Variants in PCDH11Y observed in about 807,000 individuals in gnomAD.
PCDH11Y encodes the protein protocadherin 11 Y-linked, also known as protocadherin-11 Y-linked.
For synonymous variants in PCDH11Y, 9 were observed against 83.6 expected (o/e 0.11, Z 4.87); for missense variants, 12 against 224.8 (o/e 0.05, Z 6.05).
chrY:5,195,449 A>G (rs2052917832), intron 2 of PCDH11Y, among the ~76,000 whole-genome samples: 1 of 33,562 alleles, frequency 3.0e-5, no homozygotes, highest in Non-Finnish European at 7.4e-5. Flanking sequence ...TCAATGAGCT[A>G]TAAAGACAAA....
At chrY:5,727,126 A>C in intron 4 of PCDH11Y, among the ~76,000 whole-genome samples, 1 of 33,117 alleles carries the variant, frequency 3.0e-5, no homozygotes, top group Non-Finnish European at 7.5e-5. Flanking sequence ...TGGACTCTAT[A>C]ACAAATTGAA....
At chrY:5,641,892 C>T in intron 4 of PCDH11Y, among the ~76,000 whole-genome samples, 1 of 33,884 alleles carries the variant, frequency 3.0e-5, no homozygotes, top group Admixed American at 2.7e-4. Flanking sequence ...TTACAACATG[C>T]TGCGCTGAGC....
chrY:5,078,151 G>A, intron 1 of PCDH11Y, among the ~76,000 whole-genome samples: 1 of 31,718 alleles, frequency 3.2e-5, no homozygotes, highest in Admixed American at 2.9e-4. Flanking sequence ...AGTTTGCGGA[G>A]GATAATGGCT....
At chrY:5,056,395 C>A in exon 1 of PCDH11Y, 2 of 233,391 alleles carry the variant, frequency 8.6e-6, no homozygotes, top group Non-Finnish European at 1.0e-5. Flanking sequence ...TTATCCAGAT[C>A]AATTTTTTTT....
chrY:5,358,100 C>A, intron 2 of PCDH11Y, among the ~76,000 whole-genome samples: 1 of 33,279 alleles, frequency 3.0e-5, no homozygotes, highest in African/African-American at 1.2e-4. Context: ...CCACGCCAGG[C>A]TAATTTTGTA....
chrY:5,140,075 A>C, intron 2 of PCDH11Y, among the ~76,000 whole-genome samples: 4 of 12,772 alleles, frequency 3.1e-4, no homozygotes, highest in African/African-American at 1.4e-3. Flanking sequence ...AGAACAGAAC[A>C]TGTATCAGGT....
chrY:5,038,473 A>G (rs2052602511), intron 3 of PCDH11Y, among the ~76,000 whole-genome samples: 1 of 29,793 alleles, frequency 3.4e-5, no homozygotes, highest in East Asian at 8.9e-4. Flanking sequence ...ACTCCTATCG[A>G]CCCTACCCAA....
chrY:5,253,850 C>T, intron 2 of PCDH11Y, among the ~76,000 whole-genome samples: 1 of 32,934 alleles, frequency 3.0e-5, no homozygotes. Context: ...CACCACCTCC[C>T]GTGGGTAATG....
At chrY:5,298,299 T>C in intron 2 of PCDH11Y, among the ~76,000 whole-genome samples, 1 of 33,002 alleles carries the variant, frequency 3.0e-5, no homozygotes, top group Non-Finnish European at 7.5e-5. Flanking sequence ...TCTTTAGGGG[T>C]AGTAGGAGTC....
At chrY:5,281,964 G>T in intron 2 of PCDH11Y, among the ~76,000 whole-genome samples, 1 of 28,993 alleles carries the variant, frequency 3.4e-5, no homozygotes, top group Admixed American at 3.3e-4. Flanking sequence ...AAGCTAACAT[G>T]CAGTACATCA....
intron 2 of PCDH11Y, among the ~76,000 whole-genome samples, chrY:5,493,912 C>A (rs2053341232): frequency 3.0e-5 from 1 of 33,479 alleles, no homozygotes; most frequent in Non-Finnish European, 7.4e-5. Context: ...AGATATGATT[C>A]TGAAAACAAA....
chrY:5,079,859 T>C, intron 1 of PCDH11Y, among the ~76,000 whole-genome samples: 1 of 33,586 alleles, frequency 3.0e-5, no homozygotes, highest in Non-Finnish European at 7.4e-5. Flanking sequence ...GAAAATGGCT[T>C]TCTCTTTTCA....
intron 2 of PCDH11Y, among the ~76,000 whole-genome samples, chrY:5,445,452 C>A (rs2053286838): frequency 7.0e-5 from 2 of 28,713 alleles, no homozygotes; most frequent in African/African-American, 2.8e-4. Flanking sequence ...TCCTCTTCCT[C>A]TTCTTCTTCT....
chrY:5,719,577 A>C, intron 4 of PCDH11Y, among the ~76,000 whole-genome samples: 1 of 33,492 alleles, frequency 3.0e-5, no homozygotes, highest in Admixed American at 2.7e-4. Context: ...AGAACTGGGA[A>C]TCTCCACCTA....
At chrY:5,046,408 C>G in intron 3 of PCDH11Y, among the ~76,000 whole-genome samples, 2 of 33,387 alleles carry the variant, frequency 6.0e-5, no homozygotes, top group African/African-American at 2.3e-4. Context: ...GGGGGTGCCT[C>G]CCAGTTAGGC....
At chrY:5,494,770 C>T (rs1602933778) in intron 2 of PCDH11Y, among the ~76,000 whole-genome samples, 2 of 33,271 alleles carry the variant, frequency 6.0e-5, no homozygotes, top group East Asian at 1.6e-3. Flanking sequence ...GCAGTGAGGC[C>T]GGGAGCAGTG....
intron 2 of PCDH11Y, among the ~76,000 whole-genome samples, chrY:5,134,455 T>C: frequency 9.0e-5 from 3 of 33,304 alleles, no homozygotes; most frequent in Non-Finnish European, 2.2e-4. Flanking sequence ...GCTTTCAGAT[T>C]TTTCCCCATT....
intron 2 of PCDH11Y, among the ~76,000 whole-genome samples, chrY:5,136,715 G>A (rs1602874217): frequency 6.1e-5 from 2 of 32,885 alleles, no homozygotes; most frequent in Non-Finnish European, 1.5e-4. Context: ...CATAGAACAC[G>A]TAGAAGAAAT....
chrY:5,542,233 A>G, intron 3 of PCDH11Y, among the ~76,000 whole-genome samples: 1 of 33,012 alleles, frequency 3.0e-5, no homozygotes, highest in East Asian at 8.0e-4. Context: ...GCAGTGGTCA[A>G]TAACTGGAGC....
Sources: gnomAD v4.1 joint callset for allele counts (sites outside exome capture counted in the v4.1 genomes callset) on GRCh38, gnomAD v4.1.1 for gene constraint, MANE v1.5 for transcripts, NCBI Gene and HGNC (gene_info 2026-07-23, HGNC 2026-07-21) for gene names.